OSTF1: variants seen among roughly 807,000 people sequenced by gnomAD.
The protein encoded by OSTF1 is osteoclast-stimulating factor 1.
Under a neutral mutation model 37.2 loss-of-function variants are expected in OSTF1, and 27 were observed. The ratio of observed to expected loss-of-function variants is 0.73; its 90% CI spans 0.54 to 1.00. The LOEUF is 1.00. Among genes scored for constraint, OSTF1 ranks in the 50% least tolerant of loss-of-function variants. The probability of loss-of-function intolerance (pLI) is 0.00; values close to 1 mark genes in which losing one functional copy is unlikely to be tolerated. For missense variants in OSTF1, 232 were observed against 253.8 expected (o/e 0.91, Z 0.58); for synonymous variants, 82 against 89.2 (o/e 0.92, Z 0.46).
chr9:75,088,886 G>C (rs1824872346), intron 1 of OSTF1, among the ~76,000 whole-genome samples, 160 bp downstream of exon 1: 3 of 152,090 alleles, frequency 2.0e-5, no homozygotes, highest in Non-Finnish European at 4.4e-5. Flanking sequence ...TGCGTTCGCT[G>C]TTACGGAGGA....
chr9:75,106,458 A>G (rs1019791250), intron 1 of OSTF1, among the ~76,000 whole-genome samples: 3 of 151,804 alleles, frequency 2.0e-5, no homozygotes, highest in Non-Finnish European at 4.4e-5. Flanking sequence ...CAGCCTGGCC[A>G]ACGTGGTGAA....
intron 1 of OSTF1, among the ~76,000 whole-genome samples, chr9:75,096,898 A>G (rs1319950858): frequency 2.6e-5 from 4 of 152,134 alleles, no homozygotes; most frequent in African/African-American, 4.8e-5. Context: ...TTGAAAACCA[A>G]ACTCTTATGC....
At chr9:75,102,112 G>A (rs183184846) in intron 1 of OSTF1, among the ~76,000 whole-genome samples, 12 of 152,180 alleles carry the variant, frequency 7.9e-5, no homozygotes, top group East Asian at 3.9e-4. Flanking sequence ...TACTGTAGGC[G>A]CACATTACTG....
At chr9:75,104,403 C>G (rs1051059403) in intron 1 of OSTF1, among the ~76,000 whole-genome samples, 3 of 151,922 alleles carry the variant, frequency 2.0e-5, no homozygotes, top group South Asian at 4.1e-4. Context: ...AAAAGTTAGC[C>G]GGGCATGGTG....
intron 9 of OSTF1, among the ~76,000 whole-genome samples, chr9:75,141,888 C>T (rs1321401966): frequency 6.6e-6 from 1 of 152,112 alleles, no homozygotes; most frequent in Non-Finnish European, 1.5e-5. Context: ...AATGGGACTA[C>T]AGGCATGTGT....
chr9:75,134,379 T>C lies in OSTF1; in HGVS notation c.392T>C (p.Ile131Thr). ...IVEMLFTQPN[I>T]ELNQQNKLGD... ...GAAATGCTATTTACTCAACCAAATA[T>C]TGAACTGAACCAGCAGGTAAGACTG... The change falls in exon 7 of 10, where the codon ATT becomes ACT. Residue 131 changes from isoleucine (I) to threonine (T), a missense_variant. Physicochemically the swap from Ile to Thr is moderately conservative, Grantham distance 89. Transcript: ENST00000346234. 6.4e-7 allele frequency: 1 copy of C among 1,569,396 alleles called. No individual in the cohort carries two copies. The highest frequency in any genetic ancestry group is 1.4e-5 in the African/African-American group (1 of 73,892).
intron 1 of OSTF1, among the ~76,000 whole-genome samples, chr9:75,089,306 T>G (rs1473523556): frequency 6.6e-6 from 1 of 150,872 alleles, no homozygotes; most frequent in Non-Finnish European, 1.5e-5. Flanking sequence ...GAATCTAGGA[T>G]GCGGCAGTGA....
rs373910746 is a variant in OSTF1 at position 75,137,533 on chromosome 9, T to C, written c.409-5T>C. On this transcript the variant is annotated splice_region_variant and splice_polypyrimidine_tract_variant and intron_variant, in intron 7 of 9. Transcript: ENST00000346234. ...AAATGGTACTTTCTCTTTTTATCAC[T>C]ATAGAACAAGTTGGGAGATACAGCT... 535 of 1,590,602 alleles carry C rather than the reference T, an allele frequency of 3.4e-4. 4 individuals are homozygous for C. In the South Asian group the frequency reaches 5.5e-3, roughly 16 times the overall value.
At chr9:75,135,719 G>A (rs1053968788) in intron 7 of OSTF1, among the ~76,000 whole-genome samples, 2 of 152,198 alleles carry the variant, frequency 1.3e-5, no homozygotes, top group African/African-American at 2.4e-5. Flanking sequence ...GCATAGCTGC[G>A]TTCTCTGCTC....
At chr9:75,106,118 G>C (rs532401698) in intron 1 of OSTF1, among the ~76,000 whole-genome samples, 1 of 152,320 alleles carries the variant, frequency 6.6e-6, no homozygotes, top group Non-Finnish European at 1.5e-5. Context: ...TGGTGGGGAA[G>C]AGGTGGTGTT....
chr9:75,132,347 G>A (rs1418335307), intron 5 of OSTF1, among the ~76,000 whole-genome samples: 1 of 152,022 alleles, frequency 6.6e-6, no homozygotes, highest in South Asian at 2.1e-4. Flanking sequence ...ACCAAACAAC[G>A]ATCAGCCTTG....
chr9:75,110,145 C>T, intron 1 of OSTF1, among the ~76,000 whole-genome samples: 1 of 152,138 alleles, frequency 6.6e-6, no homozygotes, highest in East Asian at 1.9e-4. Context: ...ATGTGGTTTC[C>T]ATGGGTTTGG....
intron 1 of OSTF1, among the ~76,000 whole-genome samples, chr9:75,097,596 A>T (rs1025771085): frequency 4.6e-5 from 7 of 152,120 alleles, no homozygotes; most frequent in African/African-American, 1.7e-4. Flanking sequence ...TGAGGATCTC[A>T]TTGGAATCTG....
chr9:75,140,806 C>T (rs776052420), intron 8 of OSTF1, 28 bp from the exon 9 acceptor site: 2 of 1,535,792 alleles, frequency 1.3e-6, no homozygotes, highest in Non-Finnish European at 1.8e-6. Flanking sequence ...TTCAAAGACA[C>T]CTAATTGACT....
At chr9:75,127,507 TATATA>T in intron 2 of OSTF1, 57 bp from the exon 3 acceptor site, 2 of 886,832 alleles carry the variant, frequency 2.3e-6, no homozygotes, top group Non-Finnish European at 3.6e-6. Flanking sequence ...ATTTTGAATC[TATATA>T]ATCATATTCT....
At chr9:75,117,698 G>T in intron 2 of OSTF1, 148 bp downstream of exon 2, 1 of 622,968 alleles carries the variant, frequency 1.6e-6, no homozygotes, top group Admixed American at 3.0e-5. Context: ...AGCTGTGCAA[G>T]TTAAGTCCCA....
intron 1 of OSTF1, among the ~76,000 whole-genome samples, chr9:75,110,359 C>T (rs946172717): frequency 1.3e-5 from 2 of 152,214 alleles, no homozygotes; most frequent in African/African-American, 4.8e-5. Flanking sequence ...ATAGCCTTTT[C>T]ATGTTGACTT....
At chr9:75,105,283 C>T (rs1825264457) in intron 1 of OSTF1, among the ~76,000 whole-genome samples, 2 of 152,084 alleles carry the variant, frequency 1.3e-5, no homozygotes, top group Admixed American at 1.3e-4. Flanking sequence ...AAGAGGACTA[C>T]AAGGTAGAGG....
At chr9:75,108,224 CAAAT>C (rs763670701) in intron 1 of OSTF1, among the ~76,000 whole-genome samples, 17 of 150,852 alleles carry the variant, frequency 1.1e-4, no homozygotes, top group Middle Eastern at 3.4e-3. Context: ...CCCTGTCTCT[CAAAT>C]AAATAAATAA....
Sources: allele counts gnomAD v4.1 joint callset (sites outside exome capture counted in the v4.1 genomes callset), GRCh38; gene constraint gnomAD v4.1.1; transcripts MANE v1.5; gene names NCBI Gene and HGNC (gene_info 2026-07-23, HGNC 2026-07-21).